Variants in SPACA9 observed in about 807,000 individuals in gnomAD.
SPACA9 encodes the protein sperm acrosome associated 9, also known as sperm acrosome-associated protein 9.
Under a neutral mutation model 12.5 loss-of-function variants are expected in SPACA9, and 14 were observed. The observed-to-expected ratio is 1.12, with a 90% CI of 0.74 to 1.75. The LOEUF (loss-of-function observed/expected upper bound fraction) is 1.75. Among genes scored for constraint, SPACA9 ranks in the 40% most tolerant of loss-of-function variants. SPACA9 has a pLI of 0.00. For missense variants in SPACA9, 292 were observed against 291.9 expected, an observed-to-expected ratio of 1.00 and a Z score of 0.00; for synonymous variants, 111 against 114.1, an observed-to-expected ratio of 0.97 and a Z score of 0.17.
intron 2 of SPACA9, among the ~76,000 whole-genome samples, 176 bp downstream of exon 2, chr9:132,884,267 G>C (rs1481968182): frequency 2.0e-5 from 3 of 152,242 alleles, no homozygotes; most frequent in African/African-American, 7.2e-5. Context: ...AAATATGTAA[G>C]TGAATAACAA....
chr9:132,886,055 G>A (rs1028272348), intron 2 of SPACA9, among the ~76,000 whole-genome samples: 40 of 152,224 alleles, frequency 2.6e-4, no homozygotes, highest in Admixed American at 2.3e-3. Flanking sequence ...CCTTGGGAAG[G>A]AACCACTTCA....
Position 132,887,683 on chromosome 9 carries a change from C to T in SPACA9, c.347+112C>T, listed in dbSNP as rs923991651. 1.3e-6 allele frequency: 1 copy of T among 796,764 alleles called. No individual in the cohort carries two copies. The highest frequency in any genetic ancestry group is 1.7e-5 in the African/African-American group (1 of 58,234). 49.4% of individuals were successfully genotyped at this position (796,764 alleles called of 1,614,324 possible). A position where few individuals can be genotyped will look rare whatever the true frequency, so the allele number is the denominator to read the frequency against. ...GGTGCTCCTATTAGACCACCCCGGG[C>T]AGGAAATCCCAGTCTCCACTCATTT... On this transcript the variant is annotated intron_variant, in intron 3 of 3. Transcript: ENST00000356311. The surrounding 1 kb of genome is among the most constrained non-coding windows in gnomAD (Gnocchi z 5.4).
chr9:132,880,505 GCCCTTTCTC>G (rs1326756796), intron 1 of SPACA9, among the ~76,000 whole-genome samples: 1 of 151,960 alleles, frequency 6.6e-6, no homozygotes, highest in Non-Finnish European at 1.5e-5. Flanking sequence ...AAGGGCACAC[GCCCTTTCTC>G]CCTGGAACTC....
intron 1 of SPACA9, among the ~76,000 whole-genome samples, chr9:132,882,020 T>C (rs1361845496): frequency 6.6e-6 from 1 of 152,096 alleles, no homozygotes; most frequent in African/African-American, 2.4e-5. Context: ...CAGGTGTCAA[T>C]AAACCATGGA....
At position 132,888,069 on chromosome 9, in the gene SPACA9, T is replaced by C. The variant is rs1194104542; in HGVS notation, c.348-221T>C. On this transcript the variant is annotated intron_variant, in intron 3 of 3. Coordinates refer to ENST00000356311, the MANE Select transcript of SPACA9 (RefSeq NM_001316897.2). This position sits in a 1 kb window ranked among gnomAD's most constrained non-coding sequence, Gnocchi z 5.0. ...CAGGTTTCTACGGACCATGGGGCAG[T>C]GGTTTGCATCTCCTGTCTTTCACAC... is the stretch of plus-strand genomic sequence containing the variant. Among the ~76,000 whole-genome samples, 1 of 152,128 alleles carries C rather than the reference T, an allele frequency of 6.6e-6. No homozygotes were observed. Among genetic ancestry groups the C allele is most frequent in the African/African-American group, 2.4e-5 (1 of 41,430 alleles).
In SPACA9 at chr9:132,889,958, G is replaced by T; in HGVS notation, c.*1347G>T. ...GACTGTTGGTTTTTCCCTTCACAGG[G>T]GACGACTTAGCTTCTGTATTATTGT... is the stretch of plus-strand genomic sequence containing the variant. On this transcript the variant is annotated 3_prime_UTR_variant, in exon 4 of 4. Coordinates refer to ENST00000356311, the MANE Select transcript of SPACA9 (RefSeq NM_001316897.2). The T allele has an allele frequency of 6.6e-7, 1 of 1,509,248 alleles. No individual in the cohort carries two copies. Among genetic ancestry groups the T allele is most frequent in the Non-Finnish European group, 8.9e-7 (1 of 1,122,192 alleles). The allele number at this position is 1,509,248 out of a possible 1,614,324, so 93.5% of individuals were successfully genotyped here.
At chr9:132,885,512 CAAAAAA>C (rs56183351) in intron 2 of SPACA9, among the ~76,000 whole-genome samples, 51 of 65,540 alleles carry the variant, frequency 7.8e-4, no homozygotes, top group Non-Finnish European at 1.2e-3. Context: ...GACCCTGTCT[CAAAAAA>C]AAAAAAAAAA....
rs1184495855 is a variant in SPACA9, at chr9:132,889,235, G to A, written c.*624G>A. 1 of 986,146 alleles carries A rather than the reference G, an allele frequency of 1.0e-6. No individual in the cohort carries two copies. 61.1% of individuals were successfully genotyped at this position (986,146 alleles called of 1,614,324 possible). ...TCTTTGAGCCACATCCGGCTCCAGT[G>A]CCACGCCTGTCCCTGCTGCGGGCTG... On this transcript the variant is annotated 3_prime_UTR_variant, in exon 4 of 4. Coordinates refer to ENST00000356311, the MANE Select transcript of SPACA9 (RefSeq NM_001316897.2).
chr9:132,887,655 C>A lies in SPACA9; in HGVS notation c.347+84C>A. 8.2e-7 allele frequency: 1 copy of A among 1,218,830 alleles called. No individual in the cohort carries two copies. 75.5% of individuals were successfully genotyped at this position (1,218,830 alleles called of 1,614,324 possible). A position where few individuals can be genotyped will look rare whatever the true frequency, so the allele number is the denominator to read the frequency against. ...CCTGCTTCTTTCCTGTTGCCTGGAT[C>A]ATGGTGCTCCTATTAGACCACCCCG... On this transcript the variant is annotated intron_variant, in intron 3 of 3. Coordinates refer to ENST00000356311, the MANE Select transcript of SPACA9 (RefSeq NM_001316897.2). This position sits in a 1 kb window ranked among gnomAD's most constrained non-coding sequence, Gnocchi z 5.4.
intron 1 of SPACA9, among the ~76,000 whole-genome samples, chr9:132,879,243 A>G (rs887807330): frequency 5.9e-5 from 9 of 152,234 alleles, no homozygotes; most frequent in African/African-American, 1.7e-4. Context: ...ATTAGTCGCA[A>G]CACTGAATTG....
chr9:132,881,291 A>G (rs1401214662), intron 1 of SPACA9, among the ~76,000 whole-genome samples: 2 of 144,526 alleles, frequency 1.4e-5, no homozygotes, highest in East Asian at 2.3e-4. Context: ...AAAAGAAAAA[A>G]AAGAAGAAAA....
chr9:132,881,934 G>A (rs959338634), intron 1 of SPACA9, among the ~76,000 whole-genome samples: 2 of 152,156 alleles, frequency 1.3e-5, no homozygotes, highest in Non-Finnish European at 2.9e-5. Flanking sequence ...CGGACACCAC[G>A]GGAGGCACAA....
At chr9:132,878,430 G>A, upstream of SPACA9, 4 of 1,232,656 alleles carry the variant, frequency 3.2e-6, no homozygotes, top group Middle Eastern at 3.2e-4. The surrounding 1 kb of genome is among the most constrained non-coding windows in gnomAD (Gnocchi z 4.7). Context: ...CGCGCTCTGC[G>A]GCTCGGGCAA....
rs1329304731 is a variant in SPACA9 at position 132,884,053 on chromosome 9, G to A, written c.106G>A (p.Ala36Thr). 7.4e-6 allele frequency: 12 copies of A among 1,613,964 alleles called. No homozygotes were observed. The highest frequency in any genetic ancestry group is 3.3e-5 in the South Asian group (3 of 91,082). Residue 36 changes from alanine (A) to threonine (T), a missense_variant, in exon 2 of 4, where the codon GCC becomes ACC. Ala to Thr is a moderately conservative substitution (Grantham distance 58). Transcript: ENST00000356311. ...TAALEHCRENAHDKIRPISSI... is the reference protein window; with the variant it reads ...TAALEHCRENTHDKIRPISSI... ...CGCTCTGGAGCACTGCAGGGAGAAC[G>A]CCCACGACAAGATCCGGCCCATCTC...
At chr9:132,883,282 C>T (rs960996914) in intron 1 of SPACA9, among the ~76,000 whole-genome samples, 2 of 152,232 alleles carry the variant, frequency 1.3e-5, no homozygotes, top group Admixed American at 6.5e-5. Flanking sequence ...GCTCCTGCCC[C>T]CAGCCCAGAG....
intron 1 of SPACA9, among the ~76,000 whole-genome samples, chr9:132,880,534 G>GCT (rs976918397): frequency 7.2e-5 from 11 of 152,060 alleles, no homozygotes; most frequent in African/African-American, 2.7e-4. Context: ...CCACCTATGT[G>GCT]CTCTCTCTCA....
chr9:132,885,793 CCTT>C, intron 2 of SPACA9, among the ~76,000 whole-genome samples: 1 of 152,320 alleles, frequency 6.6e-6, no homozygotes, highest in East Asian at 1.9e-4. Context: ...AAGGGAGTGG[CCTT>C]CTTGCCTTAG....
rs1588269391 is a variant in SPACA9 at position 132,887,607 on chromosome 9, T to G, written c.347+36T>G. 1.9e-6 allele frequency: 3 copies of G among 1,575,878 alleles called. No individual in the cohort carries two copies. The highest frequency in any genetic ancestry group is 1.7e-6 in the Non-Finnish European group (2 of 1,146,654). On this transcript the variant is annotated intron_variant, in intron 3 of 3. Transcript: ENST00000356311. This position sits in a 1 kb window ranked among gnomAD's most constrained non-coding sequence, Gnocchi z 5.4. ...CTGATGCTGCTCTTGAGGCCCCGTG[T>G]GTGCCTGTGGGGAGGCCTCTGTCCT...
chr9:132,888,754 T>C lies in SPACA9; in HGVS notation c.*143T>C. 7.1e-7 allele frequency: 1 copy of C among 1,416,758 alleles called. No individual in the cohort carries two copies. Among genetic ancestry groups the C allele is most frequent in the Non-Finnish European group, 9.2e-7 (1 of 1,088,086 alleles). The allele number at this position is 1,416,758 out of a possible 1,614,324, so 87.8% of individuals were successfully genotyped here. The stretch of plus-strand genomic sequence containing the variant: ...GCCAATATATTACTGAGACTTCCTC[T>C]CTCTCTTCTTGCTTTAACTTCTTTT... On this transcript the variant is annotated 3_prime_UTR_variant, in exon 4 of 4. Transcript: ENST00000356311. This position sits in a 1 kb window ranked among gnomAD's most constrained non-coding sequence, Gnocchi z 5.0.
Sources: allele counts gnomAD v4.1 joint callset (sites outside exome capture counted in the v4.1 genomes callset), GRCh38; gene constraint gnomAD v4.1.1; non-coding constraint Gnocchi (gnomAD v3.1); transcripts MANE v1.5; gene names NCBI Gene and HGNC (gene_info 2026-07-23, HGNC 2026-07-21).